The following ABCC2 variants were observed in gnomAD, a reference collection of about 807,000 sequenced individuals.
ABCC2 encodes ATP binding cassette subfamily C member 2.
In ABCC2, 157 loss-of-function variants were observed where a neutral mutation model predicts 173.4. That is an observed-to-expected ratio of 0.91 (90% CI 0.80 to 1.03). The LOEUF (loss-of-function observed/expected upper bound fraction) is 1.03. Among genes scored for constraint, ABCC2 ranks in the 50% least tolerant of loss-of-function variants. The pLI is 0.00. For synonymous variants in ABCC2, 657 were observed against 693.5 expected (o/e 0.95, Z 0.83); for missense variants, 1,822 against 1,852.3 (o/e 0.98, Z 0.30).
intron 23 of ABCC2, among the ~76,000 whole-genome samples, 155 bp downstream of exon 23, chr10:99,832,286 C>G (rs537052183): frequency 7.6e-4 from 115 of 152,270 alleles, no homozygotes; most frequent in African/African-American, 2.7e-3. Flanking sequence ...TGTGAGCTCC[C>G]AAGAATCCTG....
Position 99,794,459 on chromosome 10 carries a change from G to T in ABCC2, c.623G>T (p.Trp208Leu). 6.2e-7 allele frequency: 1 copy of T among 1,613,304 alleles called. No homozygotes were observed. Among genetic ancestry groups the T allele is most frequent in the Non-Finnish European group, 8.5e-7 (1 of 1,179,346 alleles). ...ASFLSSITYSWYDSIILKGYK... is the reference protein window; with the variant it reads ...ASFLSSITYSLYDSIILKGYK... ...TTCCTGAGTAGCATTACCTACAGCT[G>T]GTATGACAGGTAGGAAAGCCTGGAG... The change falls in exon 6 of 32, where the codon TGG becomes TTG. Residue 208 changes from tryptophan (W) to leucine (L), a missense_variant. Physicochemically the swap from Trp to Leu is moderately conservative, Grantham distance 61. Coordinates refer to ENST00000647814, the MANE Select transcript of ABCC2 (RefSeq NM_000392.5).
At chr10:99,831,215 T>A (rs768450196) in intron 21 of ABCC2, among the ~76,000 whole-genome samples, 9 of 152,062 alleles carry the variant, frequency 5.9e-5, no homozygotes, top group Admixed American at 2.0e-4. Flanking sequence ...CCACTCTGAT[T>A]TTTTGTTTGT....
At chr10:99,801,364 G>A (rs1416023685) in intron 9 of ABCC2, among the ~76,000 whole-genome samples, 1 of 152,022 alleles carries the variant, frequency 6.6e-6, no homozygotes, top group Non-Finnish European at 1.5e-5. Flanking sequence ...AGCCTCCCAA[G>A]CAGCTGGGAC....
rs139082536 is a variant in ABCC2 at position 99,831,682 on chromosome 10, G to A, written c.2955G>A (p.Ala985=). ...GLFSIFFIIL[A]FVMNSVAFIG... ...TTTCGATATTCTTCATCATCCTTGC[G>A]TTTGTGATGAATTCTGTGGCTTTTA... The change falls in exon 22 of 32, where the codon GCG becomes GCA. Residue 985 remains alanine, a synonymous_variant. Transcript: ENST00000647814. 479 of 1,614,176 alleles carry A rather than the reference G, an allele frequency of 3.0e-4. No homozygotes were observed. The highest frequency in any genetic ancestry group is 9.2e-4 in the African/African-American group (69 of 75,034).
rs1439574077 is a variant in ABCC2, at chr10:99,818,080, G to A, written c.2271+596G>A. On this transcript the variant is annotated intron_variant, in intron 17 of 31. Coordinates refer to ENST00000647814, the MANE Select transcript of ABCC2 (RefSeq NM_000392.5). ...TCAACTAAAAATACAAAAATTAGCCGGGTGTGGTAGCAGGCGCCTGTAGTC... is the reference window on the plus strand; with the variant it reads ...TCAACTAAAAATACAAAAATTAGCCAGGTGTGGTAGCAGGCGCCTGTAGTC... Among the ~76,000 whole-genome samples, 5 of 152,032 alleles carry A rather than the reference G, an allele frequency of 3.3e-5. No homozygotes were observed. The East Asian group carries it at 5.8e-4, about 18-fold the overall frequency.
rs535006093 is a variant in ABCC2 at position 99,808,795 on chromosome 10, C to A, written c.1815+566C>A. Among the ~76,000 whole-genome samples the A allele has an allele frequency of 1.2e-4, 18 of 152,212 alleles. No homozygotes were observed. The South Asian group carries it at 3.3e-3, about 28-fold the overall frequency. On this transcript the variant is annotated intron_variant, in intron 13 of 31. Coordinates refer to ENST00000647814, the MANE Select transcript of ABCC2 (RefSeq NM_000392.5). ...TACCAGATCTGCAGAGGAAGGTCACCGGACAGGCAGCAGACTGATGAGAAG... is the reference window on the plus strand; with the variant it reads ...TACCAGATCTGCAGAGGAAGGTCACAGGACAGGCAGCAGACTGATGAGAAG...
chr10:99,813,596 T>A (rs2038255096), intron 16 of ABCC2, among the ~76,000 whole-genome samples: 1 of 152,044 alleles, frequency 6.6e-6, no homozygotes, highest in South Asian at 2.1e-4. Flanking sequence ...GTGCCTGTTA[T>A]CCCAGCTACT....
At chr10:99,837,066 TATC>T (rs1288386386) in intron 25 of ABCC2, among the ~76,000 whole-genome samples, 14 of 152,090 alleles carry the variant, frequency 9.2e-5, no homozygotes, top group African/African-American at 3.4e-4. Flanking sequence ...GTAAAGGACA[TATC>T]ATATTTATTC....
intron 7 of ABCC2, among the ~76,000 whole-genome samples, chr10:99,798,252 G>A (rs1477506303): frequency 6.6e-6 from 1 of 152,088 alleles, no homozygotes; most frequent in Non-Finnish European, 1.5e-5. Context: ...AGTTGTCCTG[G>A]CAAGGGAGAC....
chr10:99,808,261 T>C (rs1564679756), intron 13 of ABCC2, 32 bp downstream of exon 13: 2 of 1,612,968 alleles, frequency 1.2e-6, no homozygotes, highest in East Asian at 4.5e-5. Flanking sequence ...TAACTCCCTG[T>C]CTCTGGTTAA....
chr10:99,848,943 G>A (rs946707954), intron 30 of ABCC2, among the ~76,000 whole-genome samples: 8 of 152,152 alleles, frequency 5.3e-5, no homozygotes, highest in Non-Finnish European at 1.2e-4. Context: ...TAATAACACC[G>A]GCCGGGCGCA....
At chr10:99,814,762 C>T (rs1417065020) in intron 16 of ABCC2, among the ~76,000 whole-genome samples, 7 of 134,542 alleles carry the variant, frequency 5.2e-5, no homozygotes, top group African/African-American at 1.8e-4. Flanking sequence ...TATACACACA[C>T]ATATATGTGT....
At position 99,836,794 on chromosome 10, in the gene ABCC2, G is replaced by C. The variant is rs115242666; in HGVS notation, c.3614+504G>C. ...TAGGTAAGACCATTGATGACAGAAA[G>C]GGAAGCTTCCGTCTTGTGAACAGGG... On this transcript the variant is annotated intron_variant, in intron 25 of 31. Transcript: ENST00000647814. Among the ~76,000 whole-genome samples the C allele has an allele frequency of 3.7e-3, 557 of 152,254 alleles. 3 individuals carry two copies. Among genetic ancestry groups the C allele is most frequent in the African/African-American group, 0.013 (521 of 41,566 alleles).
At chr10:99,836,928 G>C (rs1350692963) in intron 25 of ABCC2, among the ~76,000 whole-genome samples, 1 of 152,158 alleles carries the variant, frequency 6.6e-6, no homozygotes, top group African/African-American at 2.4e-5. Context: ...AGTGTCTTGA[G>C]GCGCTAAAGA....
chr10:99,835,981 G>A lies in ABCC2; in HGVS notation c.3415-110G>A, dbSNP rs1001405779. The A allele has an allele frequency of 5.6e-6, 6 of 1,079,614 alleles. No homozygotes were observed. In the Admixed American group the frequency reaches 5.6e-5, roughly 10 times the overall value. 66.9% of individuals were successfully genotyped at this position (1,079,614 alleles called of 1,614,324 possible). A position where few individuals can be genotyped will look rare whatever the true frequency, so the allele number is the denominator to read the frequency against. Reference sequence around the variant, plus strand: ...CTGCAGGCTTTTGTCTTGTTCAGACGTAAGCTGTGCCCATCAAGGGGAAGA... The same window carrying A: ...CTGCAGGCTTTTGTCTTGTTCAGACATAAGCTGTGCCCATCAAGGGGAAGA... On this transcript the variant is annotated intron_variant, in intron 24 of 31. Transcript: ENST00000647814.
intron 19 of ABCC2, 43 bp downstream of exon 19, chr10:99,819,312 G>A (rs977824083): frequency 6.3e-7 from 1 of 1,578,286 alleles, no homozygotes; most frequent in Admixed American, 1.7e-5. Flanking sequence ...TGGGCCATGG[G>A]TGGAATGGTA....
chr10:99,842,237 C>T, intron 26 of ABCC2, 144 bp downstream of exon 26: 1 of 1,173,826 alleles, frequency 8.5e-7, no homozygotes, highest in Non-Finnish European at 1.2e-6. Context: ...CTGGCTCCAT[C>T]TTTTACCCAT....
In ABCC2 at chr10:99,782,978, G is replaced by T. The variant is rs59365116; in HGVS notation, c.33+101G>T. On this transcript the variant is annotated intron_variant, in intron 1 of 31. Coordinates refer to ENST00000647814, the MANE Select transcript of ABCC2 (RefSeq NM_000392.5). The stretch of plus-strand genomic sequence containing the variant: ...TCACCAACAAGAACCAGAAATGTTA[G>T]ATGTGCAATTGGTCTAAAGCTCAGG... The T allele has an allele frequency of 2.1e-4, 244 of 1,166,422 alleles. 1 individual carries two copies. The African/African-American group carries it at 3.5e-3, about 17-fold the overall frequency. 72.3% of individuals were successfully genotyped at this position (1,166,422 alleles called of 1,614,324 possible).
chr10:99,801,451 T>A lies in ABCC2; in HGVS notation c.1209+888T>A, dbSNP rs192868706. Among the ~76,000 whole-genome samples, 309 of 152,272 alleles carry A rather than the reference T, an allele frequency of 2.0e-3. 2 individuals carry two copies. Among genetic ancestry groups the A allele is most frequent in the Non-Finnish European group, 3.2e-3 (217 of 68,008 alleles). ...TGGGGTTTCACCATGTTAGCCAGGA[T>A]GGTCTCGATCTCCTGACGTCATGAT... On this transcript the variant is annotated intron_variant, in intron 9 of 31. Transcript: ENST00000647814.
Sources: gnomAD v4.1 joint callset for allele counts (sites outside exome capture counted in the v4.1 genomes callset) on GRCh38, gnomAD v4.1.1 for gene constraint, MANE v1.5 for transcripts, NCBI Gene and HGNC (gene_info 2026-07-23, HGNC 2026-07-21) for gene names.